The following SCHIP1 variants were observed in gnomAD, a reference collection of about 807,000 sequenced individuals.
SCHIP1 encodes the protein schwannomin-interacting protein 1.
Under a neutral mutation model 29.7 loss-of-function variants are expected in SCHIP1, and 8 were observed. The ratio of observed to expected loss-of-function variants is 0.27; its 90% CI spans 0.16 to 0.49. The LOEUF (loss-of-function observed/expected upper bound fraction) is 0.49, where lower values mean the gene tolerates loss of function less well. SCHIP1 is among the 20% of genes least tolerant of loss of function. The pLI, the probability that SCHIP1 is intolerant of heterozygous loss-of-function variation, is 0.99. For missense variants in SCHIP1, 193 were observed against 294.6 expected (o/e 0.66, Z 2.52); for synonymous variants, 76 against 94.9 (o/e 0.80, Z 1.16).
At chr3:159,818,908 G>A in the SCHIP1 span, among the ~76,000 whole-genome samples, 1 of 152,166 alleles carries the variant, frequency 6.6e-6, no homozygotes, top group African/African-American at 2.4e-5. Flanking sequence ...GTTGTGTATT[G>A]CTGTATAAAT....
At chr3:159,426,391 G>T in the SCHIP1 span, among the ~76,000 whole-genome samples, 3 of 152,130 alleles carry the variant, frequency 2.0e-5, no homozygotes, top group Non-Finnish European at 4.4e-5. Flanking sequence ...TACCATCAGA[G>T]AATACTACAA....
chr3:159,387,510 C>G, the SCHIP1 span: 2 of 161,620 alleles, frequency 1.2e-5, no homozygotes, highest in Non-Finnish European at 1.4e-5. Context: ...TTCTATCAGA[C>G]AGGCAGCTCT....
upstream of SCHIP1, among the ~76,000 whole-genome samples, chr3:159,838,508 A>C (rs1205575975): frequency 6.6e-6 from 1 of 152,222 alleles, no homozygotes; most frequent in Non-Finnish European, 1.5e-5. Flanking sequence ...GCTTAAAAAT[A>C]ATGTCCCTAT....
the SCHIP1 span, among the ~76,000 whole-genome samples, chr3:159,725,296 A>T: frequency 6.8e-6 from 1 of 147,688 alleles, no homozygotes; most frequent in Non-Finnish European, 1.5e-5. Flanking sequence ...TTAAGACAGA[A>T]TCTCCCTCTG....
At chr3:159,398,581 G>A in the SCHIP1 span, among the ~76,000 whole-genome samples, 1 of 152,186 alleles carries the variant, frequency 6.6e-6, no homozygotes, top group Non-Finnish European at 1.5e-5. Context: ...GGAGGCAGTA[G>A]CTATAATCCT....
the SCHIP1 span, among the ~76,000 whole-genome samples, chr3:159,416,194 C>T: frequency 2.6e-5 from 4 of 152,108 alleles, no homozygotes; most frequent in Admixed American, 2.6e-4. Context: ...CCCTCTTTTC[C>T]AAAATCTTCA....
At chr3:159,677,419 G>A in the SCHIP1 span, among the ~76,000 whole-genome samples, 43 of 152,144 alleles carry the variant, frequency 2.8e-4, no homozygotes, top group African/African-American at 9.9e-4. Flanking sequence ...TTCAGGGATA[G>A]GAAGAGAAGG....
At chr3:159,725,033 A>G in the SCHIP1 span, among the ~76,000 whole-genome samples, 2 of 152,320 alleles carry the variant, frequency 1.3e-5, no homozygotes, top group East Asian at 1.9e-4. Flanking sequence ...TCATCAGGAC[A>G]GTATAAGCTA....
chr3:159,432,319 TGTGTGTGTGTGTGTGTGTGTGA>T, the SCHIP1 span, among the ~76,000 whole-genome samples: 7 of 106,116 alleles, frequency 6.6e-5, no homozygotes, highest in African/African-American at 2.0e-4. Flanking sequence ...TGTGTGTGTG[TGTGTGTGTGTGTGTGTGTGTGA>T]GAGAGAGAGA....
chr3:159,838,982 T>C (rs1282919773), upstream of SCHIP1, among the ~76,000 whole-genome samples: 1 of 150,590 alleles, frequency 6.6e-6, no homozygotes, highest in Non-Finnish European at 1.5e-5. Flanking sequence ...AATAAGAAAA[T>C]TTTATTTAAC....
the SCHIP1 span, among the ~76,000 whole-genome samples, chr3:159,819,543 G>T: frequency 6.6e-6 from 1 of 152,146 alleles, no homozygotes; most frequent in Non-Finnish European, 1.5e-5. Context: ...ACTACTAAAA[G>T]TAAATGGCAC....
chr3:159,870,086 T>A (rs1341674978), intron 2 of SCHIP1, among the ~76,000 whole-genome samples: 1 of 151,994 alleles, frequency 6.6e-6, no homozygotes, highest in Non-Finnish European at 1.5e-5. Context: ...TTGTTATTAC[T>A]CCTATTACTT....
chr3:159,357,006 T>C, the SCHIP1 span, among the ~76,000 whole-genome samples: 8 of 152,310 alleles, frequency 5.3e-5, no homozygotes, highest in Middle Eastern at 3.4e-3. Flanking sequence ...ACCAACCTAG[T>C]TTTATGTGTT....
the SCHIP1 span, among the ~76,000 whole-genome samples, chr3:159,761,256 G>T: frequency 6.6e-6 from 1 of 152,226 alleles, no homozygotes; most frequent in African/African-American, 2.4e-5. Flanking sequence ...TCAGGACACA[G>T]CGGCCTAGAC....
At chr3:159,634,853 T>C in the SCHIP1 span, among the ~76,000 whole-genome samples, 1 of 152,200 alleles carries the variant, frequency 6.6e-6, no homozygotes, top group Non-Finnish European at 1.5e-5. Context: ...GTCATCATTA[T>C]TTTGATGCCA....
chr3:159,587,606 C>T, the SCHIP1 span, among the ~76,000 whole-genome samples: 1 of 152,174 alleles, frequency 6.6e-6, no homozygotes, highest in South Asian at 2.1e-4. Context: ...TCTCCTAATG[C>T]TATCCCTCCC....
the SCHIP1 span, among the ~76,000 whole-genome samples, chr3:159,400,059 C>T: frequency 2.8e-4 from 42 of 152,314 alleles, no homozygotes; most frequent in South Asian, 1.9e-3. Context: ...CCAATGCTAA[C>T]GGTCTGTGGA....
chr3:159,466,550 A>G, the SCHIP1 span, among the ~76,000 whole-genome samples: 1 of 152,180 alleles, frequency 6.6e-6, no homozygotes, highest in Non-Finnish European at 1.5e-5. Flanking sequence ...TTGATGATGT[A>G]TTGCTACCGT....
At chr3:159,545,802 C>A in the SCHIP1 span, among the ~76,000 whole-genome samples, 1 of 150,468 alleles carries the variant, frequency 6.6e-6, no homozygotes, top group African/African-American at 2.4e-5. Context: ...TGGTTCTGCA[C>A]TTCCATTTGT....
Sources: allele counts gnomAD v4.1 joint callset (sites outside exome capture counted in the v4.1 genomes callset), GRCh38; gene constraint gnomAD v4.1.1; transcripts MANE v1.5; gene names NCBI Gene and HGNC (gene_info 2026-07-23, HGNC 2026-07-21).